Variants in EFNA5 observed in about 807,000 individuals in gnomAD.
EFNA5 encodes ephrin-A5.
A neutral mutation model predicts 22.9 loss-of-function variants in EFNA5; 5 were observed. That is an observed-to-expected ratio of 0.22 (90% confidence interval 0.11 to 0.46). EFNA5 has a LOEUF of 0.46. EFNA5 is among the 20% of genes least tolerant of loss of function. The pLI, the probability that EFNA5 is intolerant of heterozygous loss-of-function variation, is 0.99. For synonymous variants in EFNA5, 113 were observed against 112.2 expected (o/e 1.01, Z -0.04); for missense variants, 237 against 293.3 (o/e 0.81, Z 1.40).
At chr5:107,507,248 C>T (rs1747271887) in intron 1 of EFNA5, among the ~76,000 whole-genome samples, 1 of 152,172 alleles carries the variant, frequency 6.6e-6, no homozygotes, top group Non-Finnish European at 1.5e-5. Context: ...TGATCACCTC[C>T]AGGTCACACA....
chr5:107,396,464 G>A (rs1360111847), intron 2 of EFNA5, among the ~76,000 whole-genome samples: 1 of 152,204 alleles, frequency 6.6e-6, no homozygotes, highest in Non-Finnish European at 1.5e-5. Flanking sequence ...GATAGCATCA[G>A]CTCTGCGCTT....
rs1491554634 is a variant in EFNA5, at chr5:107,591,911, A to AT, written c.125+78577_125+78578insA. On this transcript the variant is annotated intron_variant, in intron 1 of 4. Coordinates refer to ENST00000333274, the MANE Select transcript of EFNA5 (RefSeq NM_001962.3). ...ATATATTATATATAATATATAATAT[A>AT]AAAAATATATATATAATATATAATA... Among the ~76,000 whole-genome samples, 101 of 7,364 alleles carry AT rather than the reference A, an allele frequency of 0.014. 9 individuals carry two copies. The African/African-American group carries it at 0.14, about 11-fold the overall frequency. The allele number at this position is 7,364 out of a possible 152,430, so 4.8% of individuals were successfully genotyped here.
At chr5:107,528,309 CAGGAGAA>C (rs1747739867) in intron 1 of EFNA5, among the ~76,000 whole-genome samples, 2 of 152,148 alleles carry the variant, frequency 1.3e-5, no homozygotes, top group African/African-American at 4.8e-5. Context: ...CTCATTATAA[CAGGAGAA>C]ATAATAATGT....
At chr5:107,557,858 G>C (rs1285199360) in intron 1 of EFNA5, among the ~76,000 whole-genome samples, 2 of 152,192 alleles carry the variant, frequency 1.3e-5, no homozygotes, top group African/African-American at 4.8e-5. Context: ...TAATGAAGCA[G>C]TCAAGTGGAG....
intron 1 of EFNA5, among the ~76,000 whole-genome samples, chr5:107,482,915 C>G (rs186079216): frequency 0.065 from 9,756 of 150,294 alleles, 407 homozygotes; most frequent in East Asian, 0.15. Flanking sequence ...TACACATACA[C>G]ACACACACAC....
intron 1 of EFNA5, among the ~76,000 whole-genome samples, chr5:107,633,493 T>A (rs982265541): frequency 1.3e-5 from 2 of 152,234 alleles, no homozygotes; most frequent in Non-Finnish European, 2.9e-5. Context: ...CCGCGCCTCA[T>A]GGCACTGCTG....
chr5:107,470,125 T>C (rs1017783171), intron 1 of EFNA5, among the ~76,000 whole-genome samples: 1 of 152,180 alleles, frequency 6.6e-6, no homozygotes, highest in South Asian at 2.1e-4. Context: ...GAAACTCACA[T>C]ACACACCTAC....
chr5:107,575,952 C>G (rs1033356974), intron 1 of EFNA5, among the ~76,000 whole-genome samples: 10 of 152,066 alleles, frequency 6.6e-5, no homozygotes, highest in South Asian at 6.2e-4. Flanking sequence ...AAAGGAAAGG[C>G]AGGATTTATT....
intron 1 of EFNA5, among the ~76,000 whole-genome samples, chr5:107,549,855 G>A (rs1467627728): frequency 1.3e-5 from 2 of 152,336 alleles, no homozygotes; most frequent in Admixed American, 1.3e-4. Flanking sequence ...ATGCTGTCCA[G>A]ATCCTTCAGC....
At chr5:107,653,767 C>G (rs1482672989) in intron 1 of EFNA5, among the ~76,000 whole-genome samples, 1 of 152,094 alleles carries the variant, frequency 6.6e-6, no homozygotes, top group African/African-American at 2.4e-5. Context: ...TCTTCCAACA[C>G]TGATTATTGC....
chr5:107,580,953 T>C (rs1246209851), intron 1 of EFNA5, among the ~76,000 whole-genome samples: 1 of 152,170 alleles, frequency 6.6e-6, no homozygotes, highest in East Asian at 1.9e-4. Flanking sequence ...GATCTCAGCA[T>C]TGAGCCAGTA....
At chr5:107,407,611 T>C (rs1275246215) in intron 2 of EFNA5, among the ~76,000 whole-genome samples, 1 of 152,138 alleles carries the variant, frequency 6.6e-6, no homozygotes, top group Non-Finnish European at 1.5e-5. Context: ...TCCCCAAAGC[T>C]CCTCTTAAAT....
At chr5:107,534,720 A>G (rs1440116103) in intron 1 of EFNA5, among the ~76,000 whole-genome samples, 1 of 152,236 alleles carries the variant, frequency 6.6e-6, no homozygotes, top group Non-Finnish European at 1.5e-5. Context: ...TAAGGAGAAC[A>G]GCACTGAATT....
chr5:107,519,929 G>A (rs1287459615), intron 1 of EFNA5, among the ~76,000 whole-genome samples: 5 of 152,146 alleles, frequency 3.3e-5, no homozygotes, highest in Admixed American at 2.0e-4. Flanking sequence ...GAGCAACAGC[G>A]ACAAAGCACA....
chr5:107,437,569 A>C (rs1213026991), intron 1 of EFNA5, among the ~76,000 whole-genome samples: 2 of 152,210 alleles, frequency 1.3e-5, no homozygotes, highest in Admixed American at 6.5e-5. Flanking sequence ...TTACTATACT[A>C]GTTTTATATA....
chr5:107,522,253 T>A (rs1747613293), intron 1 of EFNA5, among the ~76,000 whole-genome samples: 1 of 152,350 alleles, frequency 6.6e-6, no homozygotes, highest in South Asian at 2.1e-4. Flanking sequence ...CATCTGTACA[T>A]GTTTTATTAG....
rs144793104 is a variant in EFNA5, at chr5:107,434,532, G to T, written c.126-7023C>A. 1.2e-3 allele frequency among the ~76,000 whole-genome samples: 185 copies of T among 152,332 alleles called. 2 individuals carry two copies. Among genetic ancestry groups the T allele is most frequent in the African/African-American group, 4.3e-3 (180 of 41,586 alleles). On this transcript the variant is annotated intron_variant, in intron 1 of 4. Transcript: ENST00000333274. ...AAAATGCATTTCATTTTAGTAGCTG[G>T]AAAAGGAAGGGTATGGTGCATATTT...
intron 1 of EFNA5, among the ~76,000 whole-genome samples, chr5:107,634,998 A>G (rs1351182024): frequency 6.6e-6 from 1 of 152,208 alleles, no homozygotes; most frequent in Non-Finnish European, 1.5e-5. Context: ...TGAGACTTCC[A>G]TTATCTAGAA....
intron 2 of EFNA5, among the ~76,000 whole-genome samples, chr5:107,400,279 T>TA (rs1227720464): frequency 6.8e-6 from 1 of 146,460 alleles, no homozygotes; most frequent in African/African-American, 2.8e-5. Flanking sequence ...TAGAAAGATT[T>TA]AAAAAAATGT....
Sources: gnomAD v4.1 joint callset for allele counts (sites outside exome capture counted in the v4.1 genomes callset) on GRCh38, gnomAD v4.1.1 for gene constraint, MANE v1.5 for transcripts, NCBI Gene and HGNC (gene_info 2026-07-23, HGNC 2026-07-21) for gene names.